SYT2: variants seen among roughly 807,000 people sequenced by gnomAD.
SYT2 encodes synaptotagmin 2, also known as synaptotagmin-2.
SYT2 carries 15 observed loss-of-function variants against 39.9 expected under a neutral mutation model. The observed-to-expected ratio is 0.38, with a 90% CI of 0.25 to 0.58. The LOEUF (loss-of-function observed/expected upper bound fraction) is 0.58, where lower values mean the gene tolerates loss of function less well. SYT2 is among the 20% of genes least tolerant of loss of function. The probability of loss-of-function intolerance (pLI) is 0.70; values close to 1 mark genes in which losing one functional copy is unlikely to be tolerated. For missense variants in SYT2, 389 were observed against 530.3 expected, an observed-to-expected ratio of 0.73 and a Z score of 2.62; for synonymous variants, 181 against 204.5, an observed-to-expected ratio of 0.89 and a Z score of 0.98.
intron 1 of SYT2, chr1:202,627,591 A>G (rs2149088398): frequency 1.0e-6 from 1 of 985,364 alleles, no homozygotes. Flanking sequence ...AAGGAGATCC[A>G]GTGCAGCTCA....
chr1:202,599,477 C>T lies in SYT2; in HGVS notation c.920-126G>A. The T allele has an allele frequency of 9.0e-7, 1 of 1,108,252 alleles. No homozygotes were observed. Among genetic ancestry groups the T allele is most frequent in the East Asian group, 2.7e-5 (1 of 36,534 alleles). 68.7% of individuals were successfully genotyped at this position (1,108,252 alleles called of 1,614,324 possible). On this transcript the variant is annotated intron_variant, in intron 7 of 8. Transcript: ENST00000367268. This position sits in a 1 kb window ranked among gnomAD's most constrained non-coding sequence, Gnocchi z 4.4. Reference sequence around the variant, plus strand: ...CTTCACTCCGCTGAGACCAGGCCCTCAGAAAGCCCCAAGTCATGCCATCCA... The same window carrying T: ...CTTCACTCCGCTGAGACCAGGCCCTTAGAAAGCCCCAAGTCATGCCATCCA...
chr1:202,626,440 ACT>A (rs1691417069), intron 1 of SYT2, among the ~76,000 whole-genome samples: 1 of 110,812 alleles, frequency 9.0e-6, no homozygotes, highest in African/African-American at 3.6e-5. Context: ...ACAGGGTCTC[ACT>A]CTGTCACCCA....
chr1:202,597,066 G>C lies in SYT2; in HGVS notation c.1054-103C>G, dbSNP rs373771320. 3.9e-5 allele frequency: 38 copies of C among 976,298 alleles called. No homozygotes were observed. The African/African-American group carries it at 5.3e-4, about 14-fold the overall frequency. 60.5% of individuals were successfully genotyped at this position (976,298 alleles called of 1,614,324 possible). A position where few individuals can be genotyped will look rare whatever the true frequency, so the allele number is the denominator to read the frequency against. On this transcript the variant is annotated intron_variant, in intron 8 of 8. Coordinates refer to ENST00000367268, the MANE Select transcript of SYT2 (RefSeq NM_177402.5). ...TACTCCCAATGATTGGGAAGGTAAGGCCTCCTGGGGCTCCTTGGTTTCATC... is the reference window on the plus strand; with the variant it reads ...TACTCCCAATGATTGGGAAGGTAAGCCCTCCTGGGGCTCCTTGGTTTCATC...
chr1:202,705,314 C>A (rs1010341749), intron 1 of SYT2, among the ~76,000 whole-genome samples: 1 of 152,262 alleles, frequency 6.6e-6, no homozygotes. Flanking sequence ...AGAGCTTGAC[C>A]GCCCTTGTGA....
intron 1 of SYT2, among the ~76,000 whole-genome samples, chr1:202,667,466 C>CATGTGTGT: frequency 7.1e-6 from 1 of 140,842 alleles, no homozygotes; most frequent in African/African-American, 2.7e-5. Flanking sequence ...AGTGACCAGC[C>CATGTGTGT]GTGTGTGTGT....
chr1:202,605,907 T>A, intron 1 of SYT2, 118 bp from the exon 2 acceptor site: 1 of 669,530 alleles, frequency 1.5e-6, no homozygotes, highest in Non-Finnish European at 2.6e-6. Context: ...TTGCATAATA[T>A]TAACAACTGT....
intron 1 of SYT2, among the ~76,000 whole-genome samples, chr1:202,670,383 T>C (rs1367343032): frequency 6.6e-6 from 1 of 152,158 alleles, no homozygotes; most frequent in Non-Finnish European, 1.5e-5. Flanking sequence ...CTAAATTTCC[T>C]TTGGTGCCCA....
chr1:202,645,991 C>A (rs1692074101), intron 1 of SYT2, among the ~76,000 whole-genome samples: 1 of 152,218 alleles, frequency 6.6e-6, no homozygotes, highest in African/African-American at 2.4e-5. Context: ...AGGGATAATT[C>A]TTCACTCCAC....
At chr1:202,695,823 T>C (rs1232380661) in intron 1 of SYT2, among the ~76,000 whole-genome samples, 6 of 152,158 alleles carry the variant, frequency 3.9e-5, no homozygotes, top group African/African-American at 1.4e-4. Flanking sequence ...TTCTGAAACA[T>C]TTATATGACA....
intron 1 of SYT2, among the ~76,000 whole-genome samples, chr1:202,681,223 C>A (rs1437012086): frequency 6.6e-6 from 1 of 152,098 alleles, no homozygotes; most frequent in Admixed American, 6.5e-5. Flanking sequence ...CTCCTAGGAG[C>A]CGCCCCTCCC....
chr1:202,627,789 T>A (rs1200305512), intron 1 of SYT2, among the ~76,000 whole-genome samples: 1 of 152,208 alleles, frequency 6.6e-6, no homozygotes, highest in African/African-American at 2.4e-5. Flanking sequence ...TCAGGCTCCA[T>A]GCTAAGTGCT....
At chr1:202,650,719 G>A (rs1692174483) in intron 1 of SYT2, among the ~76,000 whole-genome samples, 1 of 152,192 alleles carries the variant, frequency 6.6e-6, no homozygotes, top group African/African-American at 2.4e-5. Flanking sequence ...GGGGAGACAG[G>A]CACATAGGCA....
intron 1 of SYT2, among the ~76,000 whole-genome samples, chr1:202,627,943 A>T (rs1691465857): frequency 6.6e-6 from 1 of 152,084 alleles, no homozygotes; most frequent in South Asian, 2.1e-4. Context: ...CAGCTTGCCC[A>T]GGGCCTCCCA....
intron 1 of SYT2, among the ~76,000 whole-genome samples, chr1:202,646,317 C>A (rs1692080484): frequency 6.6e-6 from 1 of 152,214 alleles, no homozygotes; most frequent in Non-Finnish European, 1.5e-5. Flanking sequence ...TACATGTTGT[C>A]CTCCACACCC....
At chr1:202,689,558 C>T (rs142809806) in intron 1 of SYT2, among the ~76,000 whole-genome samples, 5 of 152,042 alleles carry the variant, frequency 3.3e-5, no homozygotes, top group Non-Finnish European at 7.4e-5. Context: ...ACTCACTAGC[C>T]GTGTGACCTC....
intron 1 of SYT2, among the ~76,000 whole-genome samples, chr1:202,655,788 G>A (rs1187474810): frequency 1.3e-5 from 2 of 152,184 alleles, no homozygotes; most frequent in Non-Finnish European, 2.9e-5. Context: ...TTTCATCTGT[G>A]TCATGGGTAG....
intron 1 of SYT2, among the ~76,000 whole-genome samples, chr1:202,639,057 T>TC (rs775919952): frequency 2.0e-5 from 3 of 152,226 alleles, no homozygotes; most frequent in Non-Finnish European, 4.4e-5. Context: ...ATTATTTTTT[T>TC]CACGTTTGGC....
chr1:202,595,430 C>T lies in SYT2; in HGVS notation c.*1327G>A, dbSNP rs529655725. On this transcript the variant is annotated 3_prime_UTR_variant, in exon 9 of 9. Transcript: ENST00000367268. ...TCCCATAGGTCTCCCTGGGCCACTC[C>T]AGCTACCTATCAGCTCTCCAGCATG... The T allele has an allele frequency of 6.6e-6, 1 of 152,308 alleles. No homozygotes were observed. The highest frequency in any genetic ancestry group is 2.4e-5 in the African/African-American group (1 of 41,556). The allele number at this position is 152,308 out of a possible 1,614,324, so 9.4% of individuals were successfully genotyped here.
intron 1 of SYT2, among the ~76,000 whole-genome samples, chr1:202,639,237 T>C (rs1385503139): frequency 1.3e-5 from 2 of 152,224 alleles, no homozygotes; most frequent in Non-Finnish European, 2.9e-5. Context: ...TTGGACCCCA[T>C]GATCTCAGTA....
Sources: allele counts gnomAD v4.1 joint callset (sites outside exome capture counted in the v4.1 genomes callset), GRCh38; gene constraint gnomAD v4.1.1; non-coding constraint Gnocchi (gnomAD v3.1); transcripts MANE v1.5; gene names NCBI Gene and HGNC (gene_info 2026-07-23, HGNC 2026-07-21).